Variants in KIAA1549L observed in about 807,000 individuals in gnomAD.
KIAA1549L encodes KIAA1549 like.
KIAA1549L carries 88 observed loss-of-function variants against 160.7 expected under a neutral mutation model. That is an observed-to-expected ratio of 0.55 (90% CI 0.46 to 0.65). KIAA1549L has a LOEUF of 0.65. Among genes scored for constraint, KIAA1549L ranks in the 30% least tolerant of loss-of-function variants. The probability of loss-of-function intolerance (pLI) is 0.00; values close to 1 mark genes in which losing one functional copy is unlikely to be tolerated. For missense variants in KIAA1549L, 2,258 were observed against 2,437.5 expected (o/e 0.93, Z 1.55); for synonymous variants, 950 against 976.7 (o/e 0.97, Z 0.51).
intron 1 of KIAA1549L, among the ~76,000 whole-genome samples, chr11:33,468,130 G>T (rs2133018182): frequency 6.6e-6 from 1 of 152,340 alleles, no homozygotes; most frequent in African/African-American, 2.4e-5. Context: ...GCCCAGTGGG[G>T]CGATAGCAGT....
At chr11:33,532,669 AC>A (rs1402803858) in intron 1 of KIAA1549L, among the ~76,000 whole-genome samples, 3 of 152,202 alleles carry the variant, frequency 2.0e-5, no homozygotes, top group African/African-American at 7.2e-5. Context: ...TCTCTGACAT[AC>A]AAGGGAGAGG....
At chr11:33,414,588 C>G (rs1850851146) in intron 1 of KIAA1549L, among the ~76,000 whole-genome samples, 1 of 152,166 alleles carries the variant, frequency 6.6e-6, no homozygotes, top group Admixed American at 6.5e-5. Flanking sequence ...AAATTATCTT[C>G]CGTTAAGTAT....
chr11:33,596,388 A>T lies in KIAA1549L; in HGVS notation c.4752-2432A>T, dbSNP rs1390488343. On this transcript the variant is annotated intron_variant, in intron 12 of 20. Coordinates refer to ENST00000658780, the MANE Select transcript of KIAA1549L (RefSeq NM_012194.3). ...TAACACCTTTCCTTGGAGTGAGAGGAGCAGCCAGAAAATTGTTTCAGGATC... is the reference window on the plus strand; with the variant it reads ...TAACACCTTTCCTTGGAGTGAGAGGTGCAGCCAGAAAATTGTTTCAGGATC... Among the ~76,000 whole-genome samples the T allele has an allele frequency of 3.9e-5, 6 of 152,270 alleles. No individual in the cohort carries two copies. The East Asian group carries it at 1.2e-3, about 29-fold the overall frequency.
intron 16 of KIAA1549L, among the ~76,000 whole-genome samples, chr11:33,643,563 G>GTATGTATATA (rs1440347530): frequency 6.6e-6 from 1 of 152,198 alleles, no homozygotes; most frequent in Non-Finnish European, 1.5e-5. Context: ...CCTCCGTTAT[G>GTATGTATATA]TATCAGGGAG....
chr11:33,668,572 A>G lies in KIAA1549L; in HGVS notation c.*418A>G, dbSNP rs1332772254. 4.8e-6 allele frequency: 1 copy of G among 210,152 alleles called. No individual in the cohort carries two copies. Among genetic ancestry groups the G allele is most frequent in the East Asian group, 1.1e-4 (1 of 9,090 alleles). 13.0% of individuals were successfully genotyped at this position (210,152 alleles called of 1,614,324 possible). A position where few individuals can be genotyped will look rare whatever the true frequency, so the allele number is the denominator to read the frequency against. ...TAACTCTGTTTCTGTGTTAAAGGCA[A>G]TGCAGGAGTGTGGATTAAGCACCAG... On this transcript the variant is annotated 3_prime_UTR_variant, in exon 21 of 21. Transcript: ENST00000658780.
intron 15 of KIAA1549L, among the ~76,000 whole-genome samples, chr11:33,617,662 GTCTC>G (rs1459147437): frequency 4.6e-5 from 7 of 152,190 alleles, no homozygotes; most frequent in African/African-American, 1.4e-4. Flanking sequence ...TTAATTATCT[GTCTC>G]TCTCATTAGG....
intron 1 of KIAA1549L, among the ~76,000 whole-genome samples, chr11:33,384,855 T>A (rs1247452789): frequency 6.6e-6 from 1 of 152,162 alleles, no homozygotes; most frequent in Non-Finnish European, 1.5e-5. Flanking sequence ...TGGATACAAG[T>A]CTTTTTATCA....
intron 9 of KIAA1549L, among the ~76,000 whole-genome samples, chr11:33,573,610 C>T (rs1304073337): frequency 6.6e-6 from 1 of 152,098 alleles, no homozygotes; most frequent in Admixed American, 6.6e-5. Flanking sequence ...CTGTTATAAA[C>T]AATGTTGCTA....
intron 1 of KIAA1549L, among the ~76,000 whole-genome samples, chr11:33,485,758 C>G (rs1037853095): frequency 6.6e-6 from 1 of 152,128 alleles, no homozygotes; most frequent in East Asian, 1.9e-4. Context: ...AATTTTATAT[C>G]CTTTGACTAA....
At chr11:33,555,427 T>C (rs1245171954) in intron 6 of KIAA1549L, among the ~76,000 whole-genome samples, 1 of 152,154 alleles carries the variant, frequency 6.6e-6, no homozygotes, top group Non-Finnish European at 1.5e-5. Flanking sequence ...AAAGCTATGG[T>C]AATCAAAACA....
intron 1 of KIAA1549L, among the ~76,000 whole-genome samples, chr11:33,530,804 A>C (rs1853751940): frequency 6.6e-6 from 1 of 152,186 alleles, no homozygotes; most frequent in Non-Finnish European, 1.5e-5. Context: ...CTGTATTGTA[A>C]CAGTCGAGGA....
chr11:33,415,251 C>A (rs1414506895), intron 1 of KIAA1549L, among the ~76,000 whole-genome samples: 1 of 152,030 alleles, frequency 6.6e-6, no homozygotes, highest in East Asian at 1.9e-4. Context: ...TAGTGCCCAC[C>A]ATGTTTTGGG....
rs1043080234 is a variant in KIAA1549L, at chr11:33,443,739, A to C, written c.238+66850A>C. On this transcript the variant is annotated intron_variant, in intron 1 of 20. Transcript: ENST00000658780. ...TGTATTTATGGAATTGAAAAAAAAA[A>C]CAAATATATTGAAATACAGCTTTAT... 1.3e-4 allele frequency among the ~76,000 whole-genome samples: 20 copies of C among 152,116 alleles called. 1 individual carries two copies. The highest frequency in any genetic ancestry group is 1.0e-3 in the South Asian group (5 of 4,822).
chr11:33,582,027 A>G (rs542715314), intron 10 of KIAA1549L, among the ~76,000 whole-genome samples: 1 of 152,374 alleles, frequency 6.6e-6, no homozygotes, highest in South Asian at 2.1e-4. Flanking sequence ...AAAGAGGCAT[A>G]CAGATATTTT....
At chr11:33,428,549 T>C (rs921396092) in intron 1 of KIAA1549L, among the ~76,000 whole-genome samples, 9 of 150,808 alleles carry the variant, frequency 6.0e-5, no homozygotes, top group African/African-American at 2.2e-4. Context: ...GAACATGTGG[T>C]GTTTGGTTTT....
intron 1 of KIAA1549L, among the ~76,000 whole-genome samples, chr11:33,516,806 C>A (rs1164583639): frequency 6.6e-6 from 1 of 152,164 alleles, no homozygotes; most frequent in Non-Finnish European, 1.5e-5. Context: ...CCACATTTGT[C>A]TAAGCTCCCC....
chr11:33,492,822 T>C (rs934298588), intron 1 of KIAA1549L, among the ~76,000 whole-genome samples: 12 of 152,214 alleles, frequency 7.9e-5, no homozygotes, highest in African/African-American at 2.7e-4. Flanking sequence ...ATCAGATGCA[T>C]ATCAAATCAT....
chr11:33,435,842 ATGTG>A lies in KIAA1549L; in HGVS notation c.238+58971_238+58974del, dbSNP rs71034688. ...TGTATATATATATATGTATATGTAT[ATGTG>A]TGTGTGTGTGTGTGTGTATAAAATA... On this transcript the variant is annotated intron_variant, in intron 1 of 20. Coordinates refer to ENST00000658780, the MANE Select transcript of KIAA1549L (RefSeq NM_012194.3). Among the ~76,000 whole-genome samples, 418 of 67,602 alleles carry A rather than the reference ATGTG, an allele frequency of 6.2e-3. 48 individuals are homozygous for A. Among genetic ancestry groups the A allele is most frequent in the African/African-American group, 0.033 (347 of 10,420 alleles). 44.3% of individuals were successfully genotyped at this position (67,602 alleles called of 152,430 possible).
chr11:33,591,757 G>A lies in KIAA1549L; in HGVS notation c.4751+336G>A, dbSNP rs1012103759. Among the ~76,000 whole-genome samples, 8 of 152,088 alleles carry A rather than the reference G, an allele frequency of 5.3e-5. 1 individual carries two copies. The highest frequency in any genetic ancestry group is 1.7e-4 in the African/African-American group (7 of 41,386). ...ATTCAATATAGTTGTATTTTATCTG[G>A]CAATTTCTCAATAGGGGTTTCTGAT... On this transcript the variant is annotated intron_variant, in intron 12 of 20. Coordinates refer to ENST00000658780, the MANE Select transcript of KIAA1549L (RefSeq NM_012194.3).
Sources: allele counts gnomAD v4.1 joint callset (sites outside exome capture counted in the v4.1 genomes callset), GRCh38; gene constraint gnomAD v4.1.1; transcripts MANE v1.5; gene names NCBI Gene and HGNC (gene_info 2026-07-23, HGNC 2026-07-21).